IFIT3: variants seen among roughly 807,000 people sequenced by gnomAD.
IFIT3 encodes interferon-induced protein with tetratricopeptide repeats 3.
Under a neutral mutation model 2.4 loss-of-function variants are expected in IFIT3, and 2 were observed. The observed-to-expected ratio is 0.82, with a 90% CI of 0.34 to 2.60. The LOEUF (loss-of-function observed/expected upper bound fraction) is 2.60. Among genes scored for constraint, IFIT3 ranks in the 30% most tolerant of loss-of-function variants. The probability of loss-of-function intolerance (pLI) is 0.11; values close to 1 mark genes in which losing one functional copy is unlikely to be tolerated. For synonymous variants in IFIT3, 203 were observed against 212.1 expected (o/e 0.96, Z 0.37); for missense variants, 481 against 562.4 (o/e 0.86, Z 1.46).
At chr10:89,338,599 T>TGATCACAGGGTGC (rs1843785896) in intron 1 of IFIT3, 62 bp from the exon 2 acceptor site, 14 of 1,457,388 alleles carry the variant, frequency 9.6e-6, no homozygotes, top group Non-Finnish European at 1.3e-5. Flanking sequence ...ATAAAATTAA[T>TGATCACAGGGTGC]GATCACAGGG....
intron 1 of IFIT3, among the ~76,000 whole-genome samples, chr10:89,333,511 G>T (rs1045940842): frequency 2.6e-5 from 4 of 152,114 alleles, no homozygotes; most frequent in South Asian, 2.1e-4. Flanking sequence ...AGAGGCAGGA[G>T]GGGGGAGGGG....
intron 1 of IFIT3, among the ~76,000 whole-genome samples, chr10:89,331,568 G>T (rs1478274573): frequency 6.6e-6 from 1 of 152,106 alleles, no homozygotes; most frequent in Non-Finnish European, 1.5e-5. Flanking sequence ...CTTTTGTAAA[G>T]AGGTAACATG....
Position 89,339,457 on chromosome 10 carries a change from TTGGAA to T in IFIT3, c.804_808del (p.Leu268PhefsTer30). 1 of 1,614,120 alleles carries T rather than the reference TTGGAA, an allele frequency of 6.2e-7. No individual in the cohort carries two copies. Among genetic ancestry groups the T allele is most frequent in the Non-Finnish European group, 8.5e-7 (1 of 1,180,018 alleles). ...AGCTATTGAACTGTTTCAACGGGTG[TTGGAA>T]TCCACACCAAACAATGGCTACCTCT... is the stretch of plus-strand genomic sequence containing the variant. On this transcript the variant is annotated frameshift_variant, in exon 2 of 2. Coordinates refer to ENST00000371818, the MANE Select transcript of IFIT3 (RefSeq NM_001549.6). LOFTEE classifies it low-confidence loss of function (END_TRUNC).
chr10:89,328,881 T>G (rs973201547), intron 1 of IFIT3, among the ~76,000 whole-genome samples: 1 of 152,150 alleles, frequency 6.6e-6, no homozygotes, highest in African/African-American at 2.4e-5. Context: ...AAAAGAATCT[T>G]TTTAGAATCA....
rs746832424 is a variant in IFIT3 at position 89,340,160 on chromosome 10, T to C, written c.*32T>C. 1.2e-5 allele frequency: 18 copies of C among 1,540,314 alleles called. No individual in the cohort carries two copies. In the South Asian group the frequency reaches 2.1e-4, roughly 18 times the overall value. On this transcript the variant is annotated 3_prime_UTR_variant, in exon 2 of 2. Coordinates refer to ENST00000371818, the MANE Select transcript of IFIT3 (RefSeq NM_001549.6). ...GGAGGAAAACAGAGCATCAGAAGCC[T>C]GCAGTGGTGGTTGTGACGGGTAGGA...
chr10:89,338,865 C>T lies in IFIT3; in HGVS notation c.210C>T (p.Ala70=). 3 of 1,614,092 alleles carry T rather than the reference C, an allele frequency of 1.9e-6. No individual in the cohort carries two copies. The South Asian group carries it at 3.3e-5, about 18-fold the overall frequency. The change falls in exon 2 of 2, where the codon GCC becomes GCT. Residue 70 remains alanine, a synonymous_variant. Transcript: ENST00000371818. ...ACCTAGATGGTAACAACGAGGCAGC[C>T]CTGGAATGCTTACGGCAAGCTGAAG... ...IKHLDGNNEA[A]LECLRQAEEL... is the part of the protein sequence containing the mutation.
In IFIT3 at chr10:89,338,861, C is replaced by A; in HGVS notation, c.206C>A (p.Ala69Glu). 1 of 1,614,116 alleles carries A rather than the reference C, an allele frequency of 6.2e-7. No individual in the cohort carries two copies. Among genetic ancestry groups the A allele is most frequent in the Non-Finnish European group, 8.5e-7 (1 of 1,180,014 alleles). ...YIKHLDGNNE[A>E]ALECLRQAEE... ...AAACACCTAGATGGTAACAACGAGG[C>A]AGCCCTGGAATGCTTACGGCAAGCT... The change falls in exon 2 of 2, where the codon GCA (alanine) becomes GAA (glutamate). Residue 69 changes from alanine (A) to glutamate (E), a missense_variant. Coordinates refer to ENST00000371818, the MANE Select transcript of IFIT3 (RefSeq NM_001549.6).
intron 1 of IFIT3, 112 bp downstream of exon 1, chr10:89,328,190 ATGTCTT>A: frequency 9.2e-7 from 1 of 1,081,556 alleles, no homozygotes; most frequent in East Asian, 2.5e-5. Flanking sequence ...TAGATTCAAT[ATGTCTT>A]TATCAGTCTG....
Position 89,339,379 on chromosome 10 carries a change from G to C in IFIT3, c.724G>C (p.Asp242His), listed in dbSNP as rs200828472. The change falls in exon 2 of 2, where the codon GAT (aspartate) becomes CAT (histidine). Residue 242 changes from aspartate (D) to histidine (H), a missense_variant. Physicochemically the swap from Asp to His is moderately conservative, Grantham distance 81 (BLOSUM62 -1). Coordinates refer to ENST00000371818, the MANE Select transcript of IFIT3 (RefSeq NM_001549.6). ...EALEKSPCQT[D>H]VLRSAAKFYR... ...CTTGGAAAAGTCTCCTTGCCAAACA[G>C]ATGTCCTCCGCAGTGCAGCCAAATT... The C allele has an allele frequency of 2.3e-4, 371 of 1,614,018 alleles. No individual in the cohort carries two copies. Among genetic ancestry groups the C allele is most frequent in the Non-Finnish European group, 3.0e-4 (351 of 1,180,016 alleles).
intron 1 of IFIT3, 106 bp downstream of exon 1, chr10:89,328,184 T>G: frequency 9.0e-7 from 1 of 1,113,720 alleles, no homozygotes. Context: ...TGTTTATAGA[T>G]TCAATATGTC....
intron 1 of IFIT3, among the ~76,000 whole-genome samples, chr10:89,329,803 G>C (rs1843632577): frequency 6.6e-6 from 1 of 152,170 alleles, no homozygotes; most frequent in Admixed American, 6.5e-5. Flanking sequence ...CACCAAACAG[G>C]CTTTGTGTGA....
In IFIT3 at chr10:89,339,661, G is replaced by C. The variant is rs151167903; in HGVS notation, c.1006G>C (p.Ala336Pro). Residue 336 changes from alanine (A) to proline (P), a missense_variant, in exon 2 of 2, where the codon GCT becomes CCT. By Grantham distance (27) the Ala-to-Pro change is conservative. Coordinates refer to ENST00000371818, the MANE Select transcript of IFIT3 (RefSeq NM_001549.6). ...TCCTCTGAATGCATACTCCGATCTCGCTGAGTTCCTGGAGACGGAATGTTA... is the reference window on the plus strand; with the variant it reads ...TCCTCTGAATGCATACTCCGATCTCCCTGAGTTCCTGGAGACGGAATGTTA... ...LNPLNAYSDL[A>P]EFLETECYQT... 2.5e-6 allele frequency: 4 copies of C among 1,614,044 alleles called. No individual in the cohort carries two copies. The Admixed American group carries it at 6.7e-5, about 27-fold the overall frequency.
intron 1 of IFIT3, among the ~76,000 whole-genome samples, chr10:89,330,717 A>G (rs957210392): frequency 6.7e-6 from 1 of 149,776 alleles, no homozygotes; most frequent in Non-Finnish European, 1.5e-5. Context: ...AGGTCACTGA[A>G]ATCCAGGTGT....
At position 89,328,196 on chromosome 10, in the gene IFIT3, TTATC is replaced by T. The variant is rs1843617580; in HGVS notation, c.5+119_5+122del. On this transcript the variant is annotated intron_variant, in intron 1 of 1. Coordinates refer to ENST00000371818, the MANE Select transcript of IFIT3 (RefSeq NM_001549.6). ...TGATGTTTATAGATTCAATATGTCT[TTATC>T]AGTCTGAGCATTTGTAAGATGTTTG... 8.7e-6 allele frequency: 9 copies of T among 1,032,194 alleles called. No individual in the cohort carries two copies. In the South Asian group the frequency reaches 1.1e-4, roughly 12 times the overall value. 63.9% of individuals were successfully genotyped at this position (1,032,194 alleles called of 1,614,324 possible). A position where few individuals can be genotyped will look rare whatever the true frequency, so the allele number is the denominator to read the frequency against.
In IFIT3 at chr10:89,338,763, T is replaced by C. The variant is rs758038946; in HGVS notation, c.108T>C (p.Asp36=). 1.9e-6 allele frequency: 3 copies of C among 1,613,890 alleles called. No individual in the cohort carries two copies. Among genetic ancestry groups the C allele is most frequent in the African/African-American group, 2.7e-5 (2 of 74,910 alleles). Residue 36 remains aspartate, a synonymous_variant, in exon 2 of 2, where the codon GAT becomes GAC. Coordinates refer to ENST00000371818, the MANE Select transcript of IFIT3 (RefSeq NM_001549.6). ...KEDSVSRDLE[D]RVCNQIEFLN... ...ACAGTGTCTCAAGGGATCTAGAAGA[T>C]AGAGTGTGTAACCAGATTGAATTTT...
At chr10:89,332,596 T>A (rs752665565) in intron 1 of IFIT3, 1 of 1,614,160 alleles carries the variant, frequency 6.2e-7, no homozygotes, top group South Asian at 1.1e-5. Context: ...GACCCCAGCT[T>A]TTCAGAACTG....
At position 89,339,099 on chromosome 10, in the gene IFIT3, G is replaced by C. The variant is rs1930054; in HGVS notation, c.444G>C (p.Lys148Asn). Residue 148 changes from lysine to asparagine, a missense_variant, in exon 2 of 2, where the codon AAG becomes AAC. Lys to Asn is a moderately conservative substitution (Grantham distance 94). Coordinates refer to ENST00000371818, the MANE Select transcript of IFIT3 (RefSeq NM_001549.6). The stretch of plus-strand genomic sequence containing the variant: ...GTGAGGAAGGGTGGACACAACTGAA[G>C]TGTGGAAGAAATGAAAGGGCGAAGG... ...LDCEEGWTQLKCGRNERAKVC... is the reference protein window; with the variant it reads ...LDCEEGWTQLNCGRNERAKVC... The C allele has an allele frequency of 6.2e-7, 1 of 1,614,074 alleles. No homozygotes were observed. The highest frequency in any genetic ancestry group is 1.7e-5 in the Admixed American group (1 of 60,020).
At chr10:89,335,316 A>AT (rs1259314400) in intron 1 of IFIT3, 1 of 152,152 alleles carries the variant, frequency 6.6e-6, no homozygotes, top group Non-Finnish European at 1.5e-5. Flanking sequence ...GTGGGGATGG[A>AT]ATATCCCTGA....
At chr10:89,338,617 C>T in intron 1 of IFIT3, 44 bp from the exon 2 acceptor site, 1 of 1,565,764 alleles carries the variant, frequency 6.4e-7, no homozygotes, top group Non-Finnish European at 8.7e-7. Flanking sequence ...GGGTGCAGTG[C>T]TTGGCAGTGT....
Sources: allele counts gnomAD v4.1 joint callset (sites outside exome capture counted in the v4.1 genomes callset), GRCh38; gene constraint gnomAD v4.1.1; transcripts MANE v1.5; gene names NCBI Gene and HGNC (gene_info 2026-07-23, HGNC 2026-07-21).